The following CEP112 variants were observed in gnomAD, a reference collection of about 807,000 sequenced individuals.
The protein encoded by CEP112 is centrosomal protein 112.
CEP112 carries 127 observed loss-of-function variants against 153.0 expected under a neutral mutation model. The observed-to-expected ratio is 0.83, with a 90% CI of 0.72 to 0.96. The LOEUF (loss-of-function observed/expected upper bound fraction) is 0.96. Ranked by LOEUF, CEP112 falls within the 40% of genes least tolerant of loss-of-function variation. CEP112 has a pLI of 0.00. For synonymous variants in CEP112, 358 were observed against 374.4 expected (o/e 0.96, Z 0.51); for missense variants, 1,089 against 1,101.2 (o/e 0.99, Z 0.16).
chr17:65,995,819 C>T (rs2063765221), intron 17 of CEP112, among the ~76,000 whole-genome samples: 1 of 152,024 alleles, frequency 6.6e-6, no homozygotes, highest in Non-Finnish European at 1.5e-5. Context: ...GTACAGATTC[C>T]CCCATACTGT....
In CEP112 at chr17:65,890,296, G is replaced by A. The variant is rs373879111; in HGVS notation, c.2163+11856C>T. 1.2e-4 allele frequency among the ~76,000 whole-genome samples: 18 copies of A among 152,252 alleles called. No individual in the cohort carries two copies. The East Asian group carries it at 1.5e-3, about 13-fold the overall frequency. Reference sequence around the variant, plus strand: ...ACAAACTGGAGATCACTGGCCAAGCGGACCCAGTCCGAACTTCTCAACATG... The same window carrying A: ...ACAAACTGGAGATCACTGGCCAAGCAGACCCAGTCCGAACTTCTCAACATG... On this transcript the variant is annotated intron_variant, in intron 20 of 26. Transcript: ENST00000535342.
chr17:65,747,865 A>G (rs1246879583), intron 22 of CEP112, among the ~76,000 whole-genome samples: 2 of 152,204 alleles, frequency 1.3e-5, no homozygotes, highest in East Asian at 3.9e-4. Flanking sequence ...AAGGAGGAAA[A>G]TCTTTAAAAT....
In CEP112 at chr17:65,842,749, T is replaced by C. The variant is rs8079400; in HGVS notation, c.2394+9055A>G. 1.6e-3 allele frequency among the ~76,000 whole-genome samples: 244 copies of C among 152,154 alleles called. 1 individual carries two copies. Among genetic ancestry groups the C allele is most frequent in the African/African-American group, 5.6e-3 (234 of 41,530 alleles). ...GAGCTGGGGCTCATGTAAAAAAGGGTCTAAGGAACATCAATTTCTTCTTGT... is the reference window on the plus strand; with the variant it reads ...GAGCTGGGGCTCATGTAAAAAAGGGCCTAAGGAACATCAATTTCTTCTTGT... On this transcript the variant is annotated intron_variant, in intron 21 of 26. Coordinates refer to ENST00000535342, the MANE Select transcript of CEP112 (RefSeq NM_001199165.4).
rs376092159 is a variant in CEP112, at chr17:65,885,528, T to C, written c.2163+16624A>G. ...GTTTGAATTAACTGCCTATGCTTCA[T>C]TACCCTGCAATGTACTTCAACACAT... On this transcript the variant is annotated intron_variant, in intron 20 of 26. Transcript: ENST00000535342. Among the ~76,000 whole-genome samples the C allele has an allele frequency of 5.3e-5, 8 of 152,346 alleles. No homozygotes were observed. The South Asian group carries it at 1.4e-3, about 28-fold the overall frequency.
rs373065029 is a variant in CEP112 at position 66,176,969 on chromosome 17, G to A, written c.158C>T (p.Thr53Ile). 1 of 1,613,560 alleles carries A rather than the reference G, an allele frequency of 6.2e-7. No homozygotes were observed. Among genetic ancestry groups the A allele is most frequent in the African/African-American group, 1.3e-5 (1 of 74,890 alleles). The stretch of plus-strand genomic sequence containing the variant: ...CTTCCTCCCCATTATTCCTGCACCT[G>A]TTCCTGAAGGTTCGCACAGCTTTCT... ...WIRKLCEPSG[T>I]GAGIMGRKNR... Residue 53 changes from threonine (T) to isoleucine (I), a missense_variant, in exon 3 of 27, where the codon ACA becomes ATA. By Grantham distance (89) the Thr-to-Ile change is moderately conservative (BLOSUM62 -1). Coordinates refer to ENST00000535342, the MANE Select transcript of CEP112 (RefSeq NM_001199165.4).
intron 23 of CEP112, among the ~76,000 whole-genome samples, chr17:65,696,742 G>A (rs969520634): frequency 1.3e-5 from 2 of 152,010 alleles, no homozygotes; most frequent in African/African-American, 2.4e-5. Flanking sequence ...GGTAGATGGC[G>A]GATCTGTGTA....
chr17:66,054,686 C>A (rs1471097655), intron 11 of CEP112, among the ~76,000 whole-genome samples: 1 of 152,182 alleles, frequency 6.6e-6, no homozygotes, highest in African/African-American at 2.4e-5. Flanking sequence ...TTCCCTGCAT[C>A]CAACCCCACA....
chr17:65,792,190 C>T (rs1395213745), intron 21 of CEP112, among the ~76,000 whole-genome samples: 1 of 152,118 alleles, frequency 6.6e-6, no homozygotes, highest in Non-Finnish European at 1.5e-5. Context: ...TAATCCATGA[C>T]AAAATATAAT....
chr17:65,680,646 A>C (rs2047474026), intron 24 of CEP112, among the ~76,000 whole-genome samples: 1 of 152,154 alleles, frequency 6.6e-6, no homozygotes, highest in Non-Finnish European at 1.5e-5. Flanking sequence ...GTTTGATGGA[A>C]AAAGCTTTAA....
At chr17:65,959,420 T>C (rs2062117447) in intron 18 of CEP112, among the ~76,000 whole-genome samples, 1 of 152,236 alleles carries the variant, frequency 6.6e-6, no homozygotes, top group Admixed American at 6.5e-5. Context: ...TACCTCATTT[T>C]TCCTAGTCGC....
chr17:65,943,293 T>C (rs918661038), intron 18 of CEP112, among the ~76,000 whole-genome samples: 1 of 152,206 alleles, frequency 6.6e-6, no homozygotes, highest in African/African-American at 2.4e-5. Flanking sequence ...AGACAACATG[T>C]CTTATATGTA....
intron 4 of CEP112, among the ~76,000 whole-genome samples, chr17:66,136,790 A>G (rs1568534744): frequency 6.6e-6 from 1 of 152,104 alleles, no homozygotes; most frequent in African/African-American, 2.4e-5. Flanking sequence ...AAACCAGAAA[A>G]TCCCACTATT....
In CEP112 at chr17:65,690,425, C is replaced by CAAAAAA. The variant is rs67648497; in HGVS notation, c.2608-1213_2608-1208dup. ...TGGGTGACAGAATGAGACCCTGTCT[C>CAAAAAA]AAAAAAAAAAAAAAAAAAAAAAATC... is the stretch of plus-strand genomic sequence containing the variant. On this transcript the variant is annotated intron_variant, in intron 23 of 26. Coordinates refer to ENST00000535342, the MANE Select transcript of CEP112 (RefSeq NM_001199165.4). Among the ~76,000 whole-genome samples, 128 of 76,656 alleles carry CAAAAAA rather than the reference C, an allele frequency of 1.7e-3. 6 individuals carry two copies. Among genetic ancestry groups the CAAAAAA allele is most frequent in the African/African-American group, 6.1e-3 (118 of 19,426 alleles). The allele number at this position is 76,656 out of a possible 152,430, so 50.3% of individuals were successfully genotyped here.
chr17:66,103,871 C>T (rs1320309547), intron 6 of CEP112, among the ~76,000 whole-genome samples: 1 of 152,136 alleles, frequency 6.6e-6, no homozygotes, highest in African/African-American at 2.4e-5. Context: ...CTCAGTGCTG[C>T]CCTGTCACAG....
intron 3 of CEP112, among the ~76,000 whole-genome samples, chr17:66,176,193 A>C (rs2072465614): frequency 1.3e-5 from 2 of 152,204 alleles, no homozygotes; most frequent in African/African-American, 4.8e-5. Flanking sequence ...TATATATCCT[A>C]ACAGCAACTA....
chr17:65,771,100 TA>T (rs1163243985), intron 21 of CEP112, among the ~76,000 whole-genome samples: 1 of 152,020 alleles, frequency 6.6e-6, no homozygotes, highest in South Asian at 2.1e-4. Flanking sequence ...ACTGTGTTTT[TA>T]AAAAAAAGTT....
At chr17:65,862,558 G>C (rs1427181134) in intron 20 of CEP112, among the ~76,000 whole-genome samples, 2 of 152,172 alleles carry the variant, frequency 1.3e-5, no homozygotes, top group Admixed American at 1.3e-4. Flanking sequence ...ACTGACTCCA[G>C]CCTGGGTGAC....
intron 20 of CEP112, among the ~76,000 whole-genome samples, chr17:65,885,962 C>T (rs979601919): frequency 2.6e-5 from 4 of 152,156 alleles, no homozygotes; most frequent in Non-Finnish European, 4.4e-5. Context: ...GATCATTTCA[C>T]GTGAACCTAT....
chr17:65,958,879 A>G (rs920875159), intron 18 of CEP112, among the ~76,000 whole-genome samples: 6 of 152,086 alleles, frequency 3.9e-5, no homozygotes, highest in Non-Finnish European at 8.8e-5. Context: ...ATGGCCACCC[A>G]TGGACCAATC....
Sources: gnomAD v4.1 joint callset for allele counts (sites outside exome capture counted in the v4.1 genomes callset) on GRCh38, gnomAD v4.1.1 for gene constraint, MANE v1.5 for transcripts, NCBI Gene and HGNC (gene_info 2026-07-23, HGNC 2026-07-21) for gene names.